BCL7A: variants seen among roughly 807,000 people sequenced by gnomAD.
BCL7A encodes the protein B-cell CLL/lymphoma 7 protein family member A.
In BCL7A, 11 loss-of-function variants were observed where a neutral mutation model predicts 28.4. The ratio of observed to expected loss-of-function variants is 0.39; its 90% CI spans 0.24 to 0.64. BCL7A has a LOEUF of 0.64. Ranked by LOEUF, BCL7A falls within the 30% of genes least tolerant of loss-of-function variation. The probability of loss-of-function intolerance (pLI) is 0.50; values close to 1 mark genes in which losing one functional copy is unlikely to be tolerated. For synonymous variants in BCL7A, 123 were observed against 103.3 expected (o/e 1.19, Z -1.15); for missense variants, 222 against 274.8 (o/e 0.81, Z 1.36).
rs952126025 is a variant in BCL7A at position 122,022,226 on chromosome 12, C to G, written c.92+43C>G. 26 of 1,335,868 alleles carry G rather than the reference C, an allele frequency of 1.9e-5. No individual in the cohort carries two copies. The African/African-American group carries it at 3.2e-4, about 16-fold the overall frequency. 82.8% of individuals were successfully genotyped at this position (1,335,868 alleles called of 1,614,324 possible). ...CCGCCAGCCGCCTCCCCGGCCGCCC[C>G]GAGCCCGAGCGCGGCTCCAGAGAGC... On this transcript the variant is annotated intron_variant, in intron 1 of 5. Coordinates refer to ENST00000261822, the MANE Select transcript of BCL7A (RefSeq NM_001024808.3).
In BCL7A at chr12:122,059,083, C is replaced by G. The variant is rs761024272; in HGVS notation, c.562-9C>G. Reference sequence around the variant, plus strand: ...TTAACCTGTGTTCCCCTTTTCTCCTCTCCCCAAGGATTTGGAAGGAGTGCC... The same window carrying G: ...TTAACCTGTGTTCCCCTTTTCTCCTGTCCCCAAGGATTTGGAAGGAGTGCC... On this transcript the variant is annotated splice_polypyrimidine_tract_variant and intron_variant, in intron 5 of 5. Transcript: ENST00000261822. The surrounding 1 kb of genome is among the most constrained non-coding windows in gnomAD (Gnocchi z 4.0). 6.2e-7 allele frequency: 1 copy of G among 1,600,614 alleles called. No individual in the cohort carries two copies. Among genetic ancestry groups the G allele is most frequent in the South Asian group, 1.1e-5 (1 of 90,804 alleles).
intron 5 of BCL7A, among the ~76,000 whole-genome samples, chr12:122,055,636 C>T (rs1416988085): frequency 2.0e-5 from 3 of 151,910 alleles, no homozygotes; most frequent in Non-Finnish European, 2.9e-5. Flanking sequence ...TTTTTTCCTT[C>T]GAGACAGAGT....
In BCL7A at chr12:122,025,167, C is replaced by T. The variant is rs911158524; in HGVS notation, c.92+2984C>T. ...CTGTGCTGGTGGAGGAGAGAAGACC[C>T]CAGGGCGATGGTAGGAGACGAAAGC... On this transcript the variant is annotated intron_variant, in intron 1 of 5. Transcript: ENST00000261822. Among the ~76,000 whole-genome samples the T allele has an allele frequency of 2.0e-5, 3 of 152,042 alleles. No homozygotes were observed. The South Asian group carries it at 6.2e-4, about 32-fold the overall frequency.
At chr12:122,051,016 T>C (rs1031851249) in intron 4 of BCL7A, among the ~76,000 whole-genome samples, 8 of 152,314 alleles carry the variant, frequency 5.3e-5, no homozygotes, top group African/African-American at 1.9e-4. Flanking sequence ...TTTCCCATCC[T>C]GGTTTCTTTC....
chr12:122,043,399 T>TTGGGTGGG lies in BCL7A; in HGVS notation c.272-474_272-467dup, dbSNP rs202147036. Among the ~76,000 whole-genome samples, 458 of 69,608 alleles carry TTGGGTGGG rather than the reference T, an allele frequency of 6.6e-3. 5 individuals are homozygous for TTGGGTGGG. Among genetic ancestry groups the TTGGGTGGG allele is most frequent in the Middle Eastern group, 0.023 (3 of 130 alleles). 45.7% of individuals were successfully genotyped at this position (69,608 alleles called of 152,430 possible). On this transcript the variant is annotated intron_variant, in intron 3 of 5. Coordinates refer to ENST00000261822, the MANE Select transcript of BCL7A (RefSeq NM_001024808.3). ...TGGACACATGGGATGGCTGTGGTGC[T>TTGGGTGGG]TGGGTGGGTGGGTGGGTGGGGGTCA...
chr12:122,030,888 C>G, intron 2 of BCL7A, 107 bp downstream of exon 2: 1 of 1,180,828 alleles, frequency 8.5e-7, no homozygotes, highest in Non-Finnish European at 1.2e-6. Context: ...GCTCTGGGAC[C>G]AAGAGCCCCT....
At position 122,029,120 on chromosome 12, in the gene BCL7A, C is replaced by T. The variant is rs999771078; in HGVS notation, c.93-1580C>T. On this transcript the variant is annotated intron_variant, in intron 1 of 5. Coordinates refer to ENST00000261822, the MANE Select transcript of BCL7A (RefSeq NM_001024808.3). The surrounding 1 kb of genome is among the most constrained non-coding windows in gnomAD (Gnocchi z 4.3). Reference sequence around the variant, plus strand: ...GGCTCTGGGAGAATGAGTTCACCTTCACCGCCCTGTGCCTCGGTTTCTTTA... The same window carrying T: ...GGCTCTGGGAGAATGAGTTCACCTTTACCGCCCTGTGCCTCGGTTTCTTTA... Among the ~76,000 whole-genome samples, 1 of 152,152 alleles carries T rather than the reference C, an allele frequency of 6.6e-6. No individual in the cohort carries two copies. The highest frequency in any genetic ancestry group is 2.4e-5 in the African/African-American group (1 of 41,432).
At chr12:122,027,432 TG>T (rs1200919696) in intron 1 of BCL7A, among the ~76,000 whole-genome samples, 2 of 152,138 alleles carry the variant, frequency 1.3e-5, no homozygotes, top group African/African-American at 4.8e-5. Flanking sequence ...CCCAGCATTT[TG>T]GGAGGCCAAG....
chr12:122,038,431 CAAAAAAAAAAAAAAAAAAA>C (rs56376395), intron 3 of BCL7A, among the ~76,000 whole-genome samples: 1 of 33,560 alleles, frequency 3.0e-5, no homozygotes, highest in Non-Finnish European at 7.1e-5. Context: ...GACTCTGCCT[CAAAAAAAAAAAAAAAAAAA>C]AAAAAAAAAG....
At chr12:122,031,917 A>G (rs1883753796) in intron 2 of BCL7A, among the ~76,000 whole-genome samples, 1 of 152,168 alleles carries the variant, frequency 6.6e-6, no homozygotes, top group Admixed American at 6.5e-5. Flanking sequence ...AATCAAGAAC[A>G]GTCTGCCCCA....
chr12:122,042,417 G>A (rs1383004627), intron 3 of BCL7A, among the ~76,000 whole-genome samples: 4 of 152,076 alleles, frequency 2.6e-5, no homozygotes, highest in Non-Finnish European at 5.9e-5. Flanking sequence ...CACTTTGGTA[G>A]GCTGAGGTGG....
At chr12:122,039,084 T>G (rs191760379) in intron 3 of BCL7A, among the ~76,000 whole-genome samples, 3 of 151,770 alleles carry the variant, frequency 2.0e-5, no homozygotes, top group African/African-American at 7.3e-5. Context: ...ATCATGAGGT[T>G]GGGAGATCGA....
intron 3 of BCL7A, among the ~76,000 whole-genome samples, chr12:122,039,053 C>T (rs1452568320): frequency 2.0e-5 from 3 of 152,038 alleles, no homozygotes; most frequent in South Asian, 2.1e-4. Context: ...TCCCAGCATT[C>T]TGGGAGGCCA....
chr12:122,035,292 G>T (rs199544866), intron 2 of BCL7A, 39 bp from the exon 3 acceptor site: 2 of 1,573,510 alleles, frequency 1.3e-6, no homozygotes, highest in Non-Finnish European at 1.7e-6. Context: ...GCACACACAT[G>T]ATCTGGTGAC....
chr12:122,025,153 G>C (rs2135837242), intron 1 of BCL7A, among the ~76,000 whole-genome samples: 1 of 152,276 alleles, frequency 6.6e-6, no homozygotes, highest in Non-Finnish European at 1.5e-5. Context: ...TGTGCTGGTG[G>C]AGGAGAGAAG....
At chr12:122,054,962 C>T (rs759255241) in intron 5 of BCL7A, 36 bp downstream of exon 5, 86 of 1,613,888 alleles carry the variant, frequency 5.3e-5, no homozygotes, top group South Asian at 5.5e-5. Context: ...GCAGCCAGAT[C>T]GGCCGGGAGC....
At chr12:122,022,842 G>C (rs1883498698) in intron 1 of BCL7A, among the ~76,000 whole-genome samples, 1 of 151,726 alleles carries the variant, frequency 6.6e-6, no homozygotes, top group Non-Finnish European at 1.5e-5. Flanking sequence ...GGCGAGCGCT[G>C]GGAGCCAGCG....
intron 1 of BCL7A, among the ~76,000 whole-genome samples, chr12:122,026,338 G>A (rs987979706): frequency 2.4e-4 from 36 of 152,222 alleles, no homozygotes; most frequent in Admixed American, 3.9e-4. Flanking sequence ...AGCTACTCAG[G>A]AGGCTAAGCC....
chr12:122,046,466 C>T (rs1884079336), intron 4 of BCL7A, among the ~76,000 whole-genome samples: 1 of 152,286 alleles, frequency 6.6e-6, no homozygotes, highest in African/African-American at 2.4e-5. Flanking sequence ...CACCCCTGTG[C>T]AAGGAGGCTC....
Sources: allele counts gnomAD v4.1 joint callset (sites outside exome capture counted in the v4.1 genomes callset), GRCh38; gene constraint gnomAD v4.1.1; non-coding constraint Gnocchi (gnomAD v3.1); transcripts MANE v1.5; gene names NCBI Gene and HGNC (gene_info 2026-07-23, HGNC 2026-07-21).